Variants in SKIC3 observed in about 807,000 individuals in gnomAD.
The protein encoded by SKIC3 is superkiller complex protein 3.
the SKIC3 span, chr5:95,541,882 A>G: frequency 6.2e-7 from 1 of 1,612,650 alleles, no homozygotes. Context: ...ATGTGATTAT[A>G]TTTCTCATAC....
chr5:95,479,328 A>G, the SKIC3 span, among the ~76,000 whole-genome samples: 7 of 152,228 alleles, frequency 4.6e-5, no homozygotes, highest in East Asian at 1.2e-3. Context: ...TAAATTAAAT[A>G]GAGGAATATA....
the SKIC3 span, chr5:95,516,419 A>G: frequency 3.9e-4 from 630 of 1,613,104 alleles, 4 homozygotes; most frequent in African/African-American, 6.5e-3. Flanking sequence ...TCTAAAAAAC[A>G]TAACATTTTT....
chr5:95,554,704 C>A, the SKIC3 span, among the ~76,000 whole-genome samples: 16 of 147,714 alleles, frequency 1.1e-4, no homozygotes, highest in Non-Finnish European at 1.8e-4. Flanking sequence ...AAGGCATTCA[C>A]GGCGCACCTG....
chr5:95,513,586 T>C, the SKIC3 span: 1 of 1,613,882 alleles, frequency 6.2e-7, no homozygotes, highest in Non-Finnish European at 8.5e-7. Context: ...TATTTAGTTC[T>C]GTAGTGTGCC....
chr5:95,480,068 C>T, the SKIC3 span, among the ~76,000 whole-genome samples: 8 of 151,930 alleles, frequency 5.3e-5, no homozygotes, highest in Non-Finnish European at 1.2e-4. Flanking sequence ...ACCTTAACTC[C>T]TGCAATATTC....
At chr5:95,494,365 C>G in the SKIC3 span, among the ~76,000 whole-genome samples, 1 of 152,056 alleles carries the variant, frequency 6.6e-6, no homozygotes, top group Non-Finnish European at 1.5e-5. Context: ...CAAATAAATG[C>G]AAGATTGATA....
At chr5:95,524,391 T>A in the SKIC3 span, 4 of 1,578,590 alleles carry the variant, frequency 2.5e-6, no homozygotes, top group African/African-American at 4.1e-5. Flanking sequence ...TAATTGTAAC[T>A]AATGTATATG....
At chr5:95,547,028 A>G in the SKIC3 span, 2 of 1,580,850 alleles carry the variant, frequency 1.3e-6, no homozygotes, top group East Asian at 2.2e-5. Context: ...TGGGTAACAT[A>G]CTTTCATTGT....
At chr5:95,517,303 C>A in the SKIC3 span, 3 of 1,613,062 alleles carry the variant, frequency 1.9e-6, no homozygotes, top group Non-Finnish European at 2.5e-6. Context: ...CAGGACACAT[C>A]AGCTCGATGC....
the SKIC3 span, among the ~76,000 whole-genome samples, chr5:95,489,743 A>G: frequency 4.6e-5 from 7 of 152,198 alleles, no homozygotes; most frequent in Non-Finnish European, 8.8e-5. Flanking sequence ...TAGTCTAAAC[A>G]TAACCAATGA....
the SKIC3 span, among the ~76,000 whole-genome samples, chr5:95,480,660 C>A: frequency 6.6e-6 from 1 of 152,086 alleles, no homozygotes; most frequent in South Asian, 2.1e-4. Flanking sequence ...CATACATATA[C>A]CCTATGTCCC....
chr5:95,497,613 C>T, the SKIC3 span: 15 of 701,370 alleles, frequency 2.1e-5, no homozygotes, highest in South Asian at 2.5e-4. Context: ...ATTAATTGCG[C>T]ATGTTTGGTT....
At chr5:95,509,339 T>C in the SKIC3 span, among the ~76,000 whole-genome samples, 1 of 152,084 alleles carries the variant, frequency 6.6e-6, no homozygotes, top group African/African-American at 2.4e-5. Flanking sequence ...AATGGATTTA[T>C]TGGGTGAAAA....
At chr5:95,550,081 CT>C in the SKIC3 span, among the ~76,000 whole-genome samples, 15 of 151,942 alleles carry the variant, frequency 9.9e-5, no homozygotes, top group Non-Finnish European at 1.0e-4. Context: ...TCTCAACTGT[CT>C]TTTTTTAAAT....
chr5:95,496,902 G>A, the SKIC3 span, among the ~76,000 whole-genome samples: 7 of 152,238 alleles, frequency 4.6e-5, no homozygotes, highest in African/African-American at 1.2e-4. Context: ...GTTAATAGAA[G>A]AATAGACTCC....
the SKIC3 span, chr5:95,516,568 A>G: frequency 6.2e-7 from 1 of 1,613,456 alleles, no homozygotes; most frequent in East Asian, 2.2e-5. Flanking sequence ...GTGCTGAGCA[A>G]GGGCATAATT....
chr5:95,466,252 G>C, the SKIC3 span, among the ~76,000 whole-genome samples: 2,925 of 152,230 alleles, frequency 0.019, 54 homozygotes, highest in Non-Finnish European at 0.028. Context: ...AGCATGAGAA[G>C]TAGAGTAGAA....
chr5:95,493,885 T>C, the SKIC3 span, among the ~76,000 whole-genome samples: 3 of 151,996 alleles, frequency 2.0e-5, no homozygotes. Context: ...TTCTATGGCA[T>C]TTTTCCAGTA....
the SKIC3 span, among the ~76,000 whole-genome samples, chr5:95,478,661 T>C: frequency 1.1e-4 from 17 of 152,282 alleles, 1 homozygote; most frequent in African/African-American, 3.4e-4. Context: ...CCCGGCAATA[T>C]ATAAAAACAA....
Sources: gnomAD v4.1 joint callset for allele counts (sites outside exome capture counted in the v4.1 genomes callset) on GRCh38, gnomAD v4.1.1 for gene constraint, MANE v1.5 for transcripts, NCBI Gene and HGNC (gene_info 2026-07-23, HGNC 2026-07-21) for gene names.